CFAP251: variants seen among roughly 807,000 people sequenced by gnomAD.
CFAP251 encodes cilia and flagella associated protein 251.
Under a neutral mutation model 126.7 loss-of-function variants are expected in CFAP251, and 93 were observed. The observed-to-expected ratio is 0.73, with a 90% confidence interval of 0.62 to 0.87. CFAP251 has a LOEUF of 0.87. CFAP251 is among the 40% of genes least tolerant of loss of function. CFAP251 has a pLI of 0.00. For missense variants in CFAP251, 1,287 were observed against 1,389.2 expected, an observed-to-expected ratio of 0.93 and a Z score of 1.17; for synonymous variants, 503 against 506.9, an observed-to-expected ratio of 0.99 and a Z score of 0.10.
intron 7 of CFAP251, chr12:121,948,197 G>A (rs1388167641): frequency 6.6e-6 from 1 of 152,178 alleles, no homozygotes; most frequent in Non-Finnish European, 1.5e-5. Context: ...TGGGAAGGGA[G>A]CCAGCAGCCC....
intron 15 of CFAP251, among the ~76,000 whole-genome samples, chr12:121,966,567 C>T (rs912113728): frequency 6.8e-6 from 1 of 147,612 alleles, no homozygotes; most frequent in Non-Finnish European, 1.5e-5. Flanking sequence ...GCCACCATGC[C>T]CCATCCATGA....
chr12:121,991,325 G>A (rs1323814511), intron 19 of CFAP251, among the ~76,000 whole-genome samples: 2 of 152,208 alleles, frequency 1.3e-5, no homozygotes, highest in African/African-American at 2.4e-5. Context: ...GAATTAGAGC[G>A]TGCACCGCAG....
chr12:121,970,045 C>A, intron 17 of CFAP251: 2 of 790,982 alleles, frequency 2.5e-6, no homozygotes, highest in Non-Finnish European at 3.1e-6. Flanking sequence ...AGTAAACAAA[C>A]AGAATTTCCT....
intron 17 of CFAP251, among the ~76,000 whole-genome samples, chr12:121,972,690 G>A (rs186867994): frequency 2.8e-4 from 42 of 151,998 alleles, no homozygotes; most frequent in African/African-American, 4.8e-5. Context: ...GGGTTTCACC[G>A]TGTTAGCCAG....
chr12:121,941,830 G>A (rs1182564338), intron 5 of CFAP251, among the ~76,000 whole-genome samples: 1 of 152,148 alleles, frequency 6.6e-6, no homozygotes, highest in African/African-American at 2.4e-5. Context: ...GGGCTGTAGG[G>A]TGTATGCATT....
intron 19 of CFAP251, among the ~76,000 whole-genome samples, chr12:121,987,873 G>A (rs909630562): frequency 6.6e-6 from 1 of 152,112 alleles, no homozygotes; most frequent in East Asian, 1.9e-4. Context: ...TCCAGGTTCT[G>A]TTCCTACGTA....
intron 19 of CFAP251, among the ~76,000 whole-genome samples, chr12:121,984,214 A>G (rs1033763898): frequency 1.3e-5 from 2 of 152,236 alleles, no homozygotes; most frequent in Non-Finnish European, 2.9e-5. Context: ...ATTCCTAGCC[A>G]TTCCCTTCTT....
intron 4 of CFAP251, chr12:121,932,479 C>T (rs948958795): frequency 2.6e-5 from 4 of 152,676 alleles, no homozygotes; most frequent in African/African-American, 9.7e-5. Flanking sequence ...GAGCCTCCCC[C>T]ATTTGTCCTT....
At chr12:121,957,344 A>C in intron 11 of CFAP251, 76 bp downstream of exon 11, 1 of 1,413,534 alleles carries the variant, frequency 7.1e-7, no homozygotes, top group South Asian at 1.4e-5. Context: ...ATACAGTGGG[A>C]GGTTCGTGTT....
Position 122,003,740 on chromosome 12 carries a change from A to G in CFAP251, c.3426A>G (p.Glu1142=). 2 of 1,609,944 alleles carry G rather than the reference A, an allele frequency of 1.2e-6. No individual in the cohort carries two copies. The highest frequency in any genetic ancestry group is 1.7e-6 in the Non-Finnish European group (2 of 1,178,742). Residue 1142 remains glutamate (E), a synonymous_variant, in exon 22 of 22, where the codon GAA becomes GAG. Coordinates refer to ENST00000288912, the MANE Select transcript of CFAP251 (RefSeq NM_144668.6). ...ATEILGLTIS[E]DSGQDGQ Reference sequence around the variant, plus strand: ...AAATTCTTGGCTTAACCATTTCAGAAGATTCCGGCCAGGATGGTCAGTGAA... The same window carrying G: ...AAATTCTTGGCTTAACCATTTCAGAGGATTCCGGCCAGGATGGTCAGTGAA...
chr12:121,959,958 T>A (rs1417586940), intron 13 of CFAP251, among the ~76,000 whole-genome samples: 10 of 151,272 alleles, frequency 6.6e-5, no homozygotes, highest in Admixed American at 6.6e-4. Context: ...ACACCCCCCA[T>A]CTCTACAAAA....
intron 5 of CFAP251, among the ~76,000 whole-genome samples, chr12:121,936,493 A>C (rs541375161): frequency 6.6e-6 from 1 of 152,320 alleles, no homozygotes; most frequent in East Asian, 1.9e-4. Context: ...AGTTTTTAAA[A>C]ATATCTTTCA....
chr12:121,982,172 G>A (rs973034866), intron 19 of CFAP251, among the ~76,000 whole-genome samples: 3 of 151,606 alleles, frequency 2.0e-5, no homozygotes, highest in African/African-American at 4.8e-5. Context: ...ATGTCCAAAC[G>A]CCATCAAATT....
intron 19 of CFAP251, among the ~76,000 whole-genome samples, chr12:121,980,408 C>CT (rs548905552): frequency 0.11 from 15,715 of 139,434 alleles, 1,798 homozygotes; most frequent in African/African-American, 0.3. Context: ...TCACTTCCTT[C>CT]TTTTTTTTTT....
At chr12:121,946,747 AT>A (rs1356735476) in intron 7 of CFAP251, among the ~76,000 whole-genome samples, 454 of 142,188 alleles carry the variant, frequency 3.2e-3, no homozygotes, top group Middle Eastern at 7.2e-3. Context: ...CACCTGGCTA[AT>A]TTTTTTTTTT....
chr12:121,921,619 C>G lies in CFAP251; in HGVS notation c.314C>G (p.Ala105Gly). Reference protein sequence around the residue: ...ETTVEPQEVTASMIRLETQIT... With the variant: ...ETTVEPQEVTGSMIRLETQIT... ...ACAGTAGAGCCCCAAGAAGTCACAG[C>G]GTCCATGATCCGTTTGGAGACACAG... The change falls in exon 2 of 22, where the codon GCG becomes GGG. Residue 105 changes from alanine (A) to glycine (G), a missense_variant. Transcript: ENST00000288912. 6.2e-7 allele frequency: 1 copy of G among 1,613,916 alleles called. No individual in the cohort carries two copies. Among genetic ancestry groups the G allele is most frequent in the Non-Finnish European group, 8.5e-7 (1 of 1,179,984 alleles).
At chr12:122,000,023 C>T in intron 20 of CFAP251, 79 bp downstream of exon 20, 2 of 1,288,452 alleles carry the variant, frequency 1.6e-6, no homozygotes, top group South Asian at 2.8e-5. Context: ...GGAGCCAGCC[C>T]CTGTGGAGCT....
At chr12:121,986,725 T>C (rs1223230380) in intron 19 of CFAP251, among the ~76,000 whole-genome samples, 3 of 150,786 alleles carry the variant, frequency 2.0e-5, no homozygotes, top group Non-Finnish European at 4.4e-5. Context: ...GATTGCACCA[T>C]TGCTCTCCAG....
rs755174578 is a variant in CFAP251 at position 121,961,983 on chromosome 12, G to A, written c.2313G>A (p.Glu771=). The stretch of plus-strand genomic sequence containing the variant: ...CCATCTGGGCTCCTCTGCAGATAGA[G>A]TATGATCTTCTCAGGAGCTACAAAG... ...LSLGTDRLLI[E]YDLLRSYKDH... The change falls in exon 15 of 22, where the codon GAG becomes GAA. Residue 771 remains glutamate (E), a synonymous_variant. Coordinates refer to ENST00000288912, the MANE Select transcript of CFAP251 (RefSeq NM_144668.6). 1.9e-6 allele frequency: 3 copies of A among 1,613,466 alleles called. No homozygotes were observed. Among genetic ancestry groups the A allele is most frequent in the Non-Finnish European group, 2.5e-6 (3 of 1,179,874 alleles).
Sources: allele counts gnomAD v4.1 joint callset (sites outside exome capture counted in the v4.1 genomes callset), GRCh38; gene constraint gnomAD v4.1.1; transcripts MANE v1.5; gene names NCBI Gene and HGNC (gene_info 2026-07-23, HGNC 2026-07-21).